Variants in CEP63 observed in about 807,000 individuals in gnomAD.
CEP63 encodes the protein centrosomal protein of 63 kDa.
In CEP63, 84 loss-of-function variants were observed where a neutral mutation model predicts 89.1. That is an observed-to-expected ratio of 0.94 (90% confidence interval 0.79 to 1.13). The LOEUF (loss-of-function observed/expected upper bound fraction) is 1.13. CEP63 is among the 50% of genes most tolerant of loss of function. CEP63 has a pLI of 0.00. For missense variants in CEP63, 838 were observed against 813.3 expected (o/e 1.03, Z -0.37); for synonymous variants, 267 against 272.5 (o/e 0.98, Z 0.20).
intron 3 of CEP63, among the ~76,000 whole-genome samples, chr3:134,518,170 C>T (rs1464622606): frequency 6.6e-6 from 1 of 151,930 alleles, no homozygotes; most frequent in Admixed American, 6.6e-5. Flanking sequence ...GAAAAATGGG[C>T]AGAATCAAGG....
Position 134,544,728 on chromosome 3 carries a change from T to C in CEP63, c.556-858T>C, listed in dbSNP as rs894998987. On this transcript the variant is annotated intron_variant, in intron 6 of 14. Coordinates refer to ENST00000675561, the MANE Select transcript of CEP63 (RefSeq NM_001353108.3). ...ATATAATAATGCATTATAGTTCCTA[T>C]TTCCTATGTTTTAAATAGGAAATAA... 2.0e-5 allele frequency among the ~76,000 whole-genome samples: 3 copies of C among 152,322 alleles called. No homozygotes were observed. The East Asian group carries it at 5.8e-4, about 29-fold the overall frequency.
chr3:134,515,182 T>G (rs1198876772), intron 3 of CEP63, among the ~76,000 whole-genome samples: 2 of 152,142 alleles, frequency 1.3e-5, no homozygotes, highest in African/African-American at 4.8e-5. Flanking sequence ...TAAAAGTATA[T>G]ATTAGTAGAG....
At chr3:134,557,376 G>GTTTTGTTTT (rs1956392694) in intron 12 of CEP63, among the ~76,000 whole-genome samples, 1 of 101,500 alleles carries the variant, frequency 9.9e-6, no homozygotes, top group East Asian at 2.6e-4. Context: ...TTCATAATTT[G>GTTTTGTTTT]TTTTTTTTTT....
chr3:134,507,563 CCTT>C (rs1943780508), intron 3 of CEP63, among the ~76,000 whole-genome samples: 2 of 152,160 alleles, frequency 1.3e-5, no homozygotes, highest in Admixed American at 1.3e-4. Flanking sequence ...GTTTGTTTAA[CCTT>C]CATCATATTA....
downstream of CEP63, chr3:134,575,126 TC>T (rs1958167922): frequency 3.2e-6 from 1 of 313,496 alleles, no homozygotes; most frequent in African/African-American, 2.2e-5. Context: ...CTTCCTTCCT[TC>T]CTTCCTTCAT....
the CEP63 span, among the ~76,000 whole-genome samples, chr3:134,657,516 T>C: frequency 4.6e-5 from 7 of 152,236 alleles, no homozygotes. Context: ...CAAAAGCTAA[T>C]TTAAAAGATT....
At chr3:134,638,937 C>G in the CEP63 span, among the ~76,000 whole-genome samples, 2 of 151,992 alleles carry the variant, frequency 1.3e-5, no homozygotes, top group Non-Finnish European at 2.9e-5. Context: ...TGCACATGCA[C>G]ACGGGTGTAT....
At chr3:134,498,529 C>T (rs1576766719) in intron 2 of CEP63, among the ~76,000 whole-genome samples, 2 of 152,046 alleles carry the variant, frequency 1.3e-5, no homozygotes, top group South Asian at 4.1e-4. Context: ...TCCTCCTTTC[C>T]AATTTGGATG....
the CEP63 span, among the ~76,000 whole-genome samples, chr3:134,611,934 C>A: frequency 6.6e-6 from 1 of 152,358 alleles, no homozygotes; most frequent in Admixed American, 6.5e-5. Context: ...TTAAATATTA[C>A]TAATACATAT....
At chr3:134,512,068 G>A (rs1397143451) in intron 3 of CEP63, among the ~76,000 whole-genome samples, 47 of 152,150 alleles carry the variant, frequency 3.1e-4, no homozygotes, top group Admixed American at 3.1e-3. Flanking sequence ...TCATTAAACA[G>A]CTAAAACTGT....
chr3:134,659,584 C>T, the CEP63 span, among the ~76,000 whole-genome samples: 1 of 152,188 alleles, frequency 6.6e-6, no homozygotes, highest in Non-Finnish European at 1.5e-5. Context: ...AGTGAAAAGG[C>T]ATTTTTCCAG....
chr3:134,587,816 T>C (rs1018015986), downstream of CEP63, among the ~76,000 whole-genome samples: 9 of 150,104 alleles, frequency 6.0e-5, no homozygotes, highest in African/African-American at 2.2e-4. Context: ...TATTTGGCCA[T>C]CTTGGAATGG....
the CEP63 span, chr3:134,628,016 A>G: frequency 1.7e-6 from 1 of 604,134 alleles, no homozygotes; most frequent in Non-Finnish European, 3.0e-6. Context: ...CAGAAGGAAG[A>G]CTAAGAACCA....
At chr3:134,641,817 G>A in the CEP63 span, among the ~76,000 whole-genome samples, 1 of 152,128 alleles carries the variant, frequency 6.6e-6, no homozygotes, top group African/African-American at 2.4e-5. Context: ...TGTCAGGATT[G>A]TCTGTGTCTC....
the CEP63 span, among the ~76,000 whole-genome samples, chr3:134,730,882 T>A: frequency 1.6e-4 from 24 of 152,090 alleles, no homozygotes; most frequent in South Asian, 8.3e-4. Flanking sequence ...AATCAATACA[T>A]ATTCTGCCTG....
At chr3:134,673,308 C>A in the CEP63 span, among the ~76,000 whole-genome samples, 92,930 of 151,938 alleles carry the variant, frequency 0.61, 29,499 homozygotes, top group East Asian at 0.93. Flanking sequence ...CGTCCCCCCT[C>A]CAACTGTCTC....
the CEP63 span, among the ~76,000 whole-genome samples, chr3:134,668,034 T>TG: frequency 3.9e-5 from 6 of 152,222 alleles, no homozygotes; most frequent in South Asian, 8.3e-4. Flanking sequence ...TGACACGTCC[T>TG]GGGAGGGGAC....
intron 2 of CEP63, among the ~76,000 whole-genome samples, chr3:134,496,439 G>GC (rs1208671399): frequency 6.7e-6 from 1 of 148,856 alleles, no homozygotes; most frequent in African/African-American, 2.5e-5. Flanking sequence ...AAAGGGGGGG[G>GC]GGGCTAAAGA....
the CEP63 span, among the ~76,000 whole-genome samples, chr3:134,659,774 C>A: frequency 1.3e-5 from 2 of 152,162 alleles, no homozygotes; most frequent in Admixed American, 6.5e-5. Flanking sequence ...CTAAGAGCAG[C>A]CTTTTGATTA....
Sources: gnomAD v4.1 joint callset for allele counts (sites outside exome capture counted in the v4.1 genomes callset) on GRCh38, gnomAD v4.1.1 for gene constraint, MANE v1.5 for transcripts, NCBI Gene and HGNC (gene_info 2026-07-23, HGNC 2026-07-21) for gene names.